Variants in NUMB observed in about 807,000 individuals in gnomAD.
NUMB encodes NUMB endocytic adaptor protein.
In NUMB, 29 loss-of-function variants were observed where a neutral mutation model predicts 59.7. The observed-to-expected ratio is 0.49, with a 90% CI of 0.36 to 0.66. NUMB has a LOEUF of 0.66. NUMB is among the 30% of genes least tolerant of loss of function. The pLI is 0.00. For synonymous variants in NUMB, 288 were observed against 288.2 expected, an observed-to-expected ratio of 1.00 and a Z score of 0.01; for missense variants, 723 against 822.0, an observed-to-expected ratio of 0.88 and a Z score of 1.47.
At chr14:73,286,919 A>G (rs1029235574) in intron 9 of NUMB, 191 bp downstream of exon 9, 1 of 605,580 alleles carries the variant, frequency 1.7e-6, no homozygotes, top group Non-Finnish European at 2.9e-6. Context: ...ATAATGGAGT[A>G]AATATTTTTG....
Position 73,276,717 on chromosome 14 carries a change from A to C in NUMB, c.1817T>G (p.Val606Gly), listed in dbSNP as rs750705159. ...ATCCACTGGGCAGGTGCCTGTAGGAACCTCTGTATGCCTGTCTGCTGAGGC... is the reference window on the plus strand; with the variant it reads ...ATCCACTGGGCAGGTGCCTGTAGGACCCTCTGTATGCCTGTCTGCTGAGGC... ...RLASADRHTE[V>G]PTGTCPVDPF... Residue 606 changes from valine (V) to glycine (G), a missense_variant, in exon 13 of 13, where the codon GTT (valine) becomes GGT (glycine). By Grantham distance (109) the Val-to-Gly change is moderately radical. This residue lies in a region of NUMB where 406 missense variants were observed against 385.4 expected (regional missense o/e 1.05). Coordinates refer to ENST00000555238, the MANE Select transcript of NUMB (RefSeq NM_001005743.2). 6.2e-7 allele frequency: 1 copy of C among 1,614,128 alleles called. No individual in the cohort carries two copies. The highest frequency in any genetic ancestry group is 8.5e-7 in the Non-Finnish European group (1 of 1,180,016).
chr14:73,390,194 T>C (rs1895771029), intron 2 of NUMB, among the ~76,000 whole-genome samples: 1 of 152,206 alleles, frequency 6.6e-6, no homozygotes, highest in Admixed American at 6.5e-5. Context: ...ATAAGCTTAA[T>C]TATCAAAAAA....
At chr14:73,404,724 AT>A (rs1457561886) in intron 2 of NUMB, among the ~76,000 whole-genome samples, 7 of 150,804 alleles carry the variant, frequency 4.6e-5, no homozygotes, top group Non-Finnish European at 8.9e-5. Flanking sequence ...ATAGGACTTC[AT>A]TTTCATATTT....
intron 2 of NUMB, among the ~76,000 whole-genome samples, chr14:73,377,287 T>C (rs905536561): frequency 1.3e-5 from 2 of 152,206 alleles, no homozygotes; most frequent in African/African-American, 4.8e-5. Flanking sequence ...GTCAAGAGAA[T>C]GAGAAGACAG....
chr14:73,328,354 A>G (rs1330318389), intron 4 of NUMB, among the ~76,000 whole-genome samples: 2 of 152,124 alleles, frequency 1.3e-5, no homozygotes, highest in East Asian at 3.8e-4. Context: ...TCATATGCAT[A>G]TATCACTATG....
At chr14:73,448,337 T>C (rs1595051500) in intron 1 of NUMB, among the ~76,000 whole-genome samples, 1 of 152,208 alleles carries the variant, frequency 6.6e-6, no homozygotes, top group African/African-American at 2.4e-5. Flanking sequence ...CAATAAATAA[T>C]ATAGCTTTTA....
intron 6 of NUMB, among the ~76,000 whole-genome samples, chr14:73,311,279 C>A (rs61985764): frequency 0.16 from 23,823 of 152,134 alleles, 2,690 homozygotes; most frequent in Non-Finnish European, 0.23. Context: ...TCGTCTTGAA[C>A]TCCTGACCTC....
At chr14:73,307,386 A>T (rs1890505415) in intron 6 of NUMB, among the ~76,000 whole-genome samples, 1 of 151,764 alleles carries the variant, frequency 6.6e-6, no homozygotes, top group Admixed American at 6.6e-5. Flanking sequence ...ATTTTTTAAG[A>T]AGTTGTCAGT....
At chr14:73,297,569 C>A in intron 6 of NUMB, 1 of 245,936 alleles carries the variant, frequency 4.1e-6, no homozygotes, top group Non-Finnish European at 7.7e-6. Context: ...TATCACATTC[C>A]ATAAAGGGCA....
chr14:73,403,122 A>G (rs1896495035), intron 2 of NUMB, among the ~76,000 whole-genome samples: 2 of 152,202 alleles, frequency 1.3e-5, no homozygotes, highest in African/African-American at 4.8e-5. Flanking sequence ...TGCTGGAATC[A>G]CTAATAAGAA....
At chr14:73,391,185 T>C (rs999344697) in intron 2 of NUMB, among the ~76,000 whole-genome samples, 12 of 152,088 alleles carry the variant, frequency 7.9e-5, no homozygotes, top group South Asian at 2.1e-4. Flanking sequence ...ACCTATTTCA[T>C]AGGACTGTAT....
chr14:73,393,705 C>A (rs184017029), intron 2 of NUMB, among the ~76,000 whole-genome samples: 103 of 152,292 alleles, frequency 6.8e-4, no homozygotes, highest in African/African-American at 2.2e-3. Flanking sequence ...AATTATTATT[C>A]TTTTCACCAA....
At chr14:73,452,270 G>C (rs2140211464) in intron 1 of NUMB, among the ~76,000 whole-genome samples, 1 of 152,294 alleles carries the variant, frequency 6.6e-6, no homozygotes, top group Middle Eastern at 3.4e-3. Context: ...TGAGGCAGGA[G>C]AATCACCTGA....
chr14:73,443,069 C>T (rs1176144685), intron 1 of NUMB, among the ~76,000 whole-genome samples: 1 of 152,172 alleles, frequency 6.6e-6, no homozygotes, highest in African/African-American at 2.4e-5. Context: ...ACCATGATGA[C>T]CAGACTGATA....
At chr14:73,457,723 T>C (rs1381728216) in intron 1 of NUMB, 1 of 152,342 alleles carries the variant, frequency 6.6e-6, no homozygotes, top group African/African-American at 2.4e-5. Context: ...GGGTCTCCCA[T>C]CCCAGCTCAG....
chr14:73,410,142 T>C (rs1896838939), intron 1 of NUMB, 74 bp from the exon 2 acceptor site: 1 of 152,224 alleles, frequency 6.6e-6, no homozygotes, highest in South Asian at 2.1e-4. Flanking sequence ...ACATCTATAG[T>C]TGAGTAAGGA....
Position 73,276,285 on chromosome 14 carries a change from C to CTT in NUMB, c.*291_*292dup, listed in dbSNP as rs1205260920. ...TGGAATATAGATTCTTGTTCAGATA[C>CTT]TTTGCCTCTCTGTTGCCAGAGATTT... is the stretch of plus-strand genomic sequence containing the variant. On this transcript the variant is annotated 3_prime_UTR_variant, in exon 13 of 13. Transcript: ENST00000555238. 2.2e-5 allele frequency: 7 copies of CTT among 323,604 alleles called. No homozygotes were observed. Among genetic ancestry groups the CTT allele is most frequent in the East Asian group, 5.7e-5 (1 of 17,650 alleles). The allele number at this position is 323,604 out of a possible 1,614,324, so 20.0% of individuals were successfully genotyped here.
chr14:73,321,718 C>G (rs1259373689), intron 5 of NUMB, among the ~76,000 whole-genome samples: 1 of 152,110 alleles, frequency 6.6e-6, no homozygotes, highest in Non-Finnish European at 1.5e-5. Context: ...AACGTAATGA[C>G]AGATTGGGAG....
intron 4 of NUMB, among the ~76,000 whole-genome samples, chr14:73,326,627 C>CA (rs1220147303): frequency 1.9e-4 from 28 of 143,884 alleles, no homozygotes; most frequent in Admixed American, 1.7e-3. Context: ...AACTTTGTCT[C>CA]AAAAAAAAGA....
Sources: allele counts gnomAD v4.1 joint callset (sites outside exome capture counted in the v4.1 genomes callset), GRCh38; gene constraint gnomAD v4.1.1; regional missense constraint gnomAD v4.1.1; transcripts MANE v1.5; gene names NCBI Gene and HGNC (gene_info 2026-07-23, HGNC 2026-07-21).